Variants in CDH18 observed in about 807,000 individuals in gnomAD.
The protein encoded by CDH18 is cadherin-18.
CDH18 carries 31 observed loss-of-function variants against 67.9 expected under a neutral mutation model. That is an observed-to-expected ratio of 0.46 (90% CI 0.34 to 0.62). The LOEUF is 0.62. Ranked by LOEUF, CDH18 falls within the 20% of genes least tolerant of loss-of-function variation. CDH18 has a pLI of 0.01. For synonymous variants in CDH18, 362 were observed against 347.2 expected (o/e 1.04, Z -0.48); for missense variants, 890 against 975.5 (o/e 0.91, Z 1.17).
At chr5:20,498,744 G>C (rs1754061163) in intron 1 of CDH18, among the ~76,000 whole-genome samples, 1 of 151,840 alleles carries the variant, frequency 6.6e-6, no homozygotes. Flanking sequence ...ATATCAAACA[G>C]ATAATTAAAG....
At chr5:19,773,724 G>A (rs1258289666) in intron 3 of CDH18, among the ~76,000 whole-genome samples, 1 of 152,116 alleles carries the variant, frequency 6.6e-6, no homozygotes, top group Admixed American at 6.6e-5. Context: ...TAAACATAAT[G>A]ATAGTTGGGG....
At chr5:20,553,260 A>G (rs1490176859) in intron 1 of CDH18, among the ~76,000 whole-genome samples, 1 of 152,152 alleles carries the variant, frequency 6.6e-6, no homozygotes, top group Non-Finnish European at 1.5e-5. Flanking sequence ...ATCTTTATTT[A>G]CAAGGGTCAT....
intron 1 of CDH18, among the ~76,000 whole-genome samples, chr5:20,419,681 G>A (rs1257107779): frequency 6.7e-6 from 1 of 150,266 alleles, no homozygotes. Context: ...GTTTCACCCT[G>A]TTAGCCAGGA....
intron 5 of CDH18, among the ~76,000 whole-genome samples, chr5:19,615,436 A>C (rs1749671385): frequency 6.6e-6 from 1 of 152,190 alleles, no homozygotes; most frequent in Non-Finnish European, 1.5e-5. Context: ...AGCAGAAAGT[A>C]CAAAGAATTC....
intron 2 of CDH18, among the ~76,000 whole-genome samples, chr5:20,184,062 C>A (rs927190297): frequency 1.3e-5 from 2 of 152,028 alleles, no homozygotes; most frequent in African/African-American, 4.8e-5. Flanking sequence ...TGAGACAGAA[C>A]TCCAGGGCAC....
chr5:19,757,673 G>T (rs1814165), intron 3 of CDH18, among the ~76,000 whole-genome samples: 145,241 of 152,272 alleles, frequency 0.95, 69,535 homozygotes, highest in East Asian at 1. Flanking sequence ...TGACCACTCA[G>T]AGAGGTCCAC....
chr5:19,857,700 G>T (rs922465187), intron 2 of CDH18, among the ~76,000 whole-genome samples: 1 of 152,002 alleles, frequency 6.6e-6, no homozygotes, highest in African/African-American at 2.4e-5. Context: ...CTTAACTAAG[G>T]TATCAACAAC....
chr5:19,862,598 T>G (rs1429652584), intron 2 of CDH18, among the ~76,000 whole-genome samples: 1 of 152,194 alleles, frequency 6.6e-6, no homozygotes, highest in Non-Finnish European at 1.5e-5. Flanking sequence ...AACTTCTTCT[T>G]GGGTAAACAT....
At chr5:20,217,442 GT>G (rs1740871944) in intron 2 of CDH18, among the ~76,000 whole-genome samples, 1 of 151,780 alleles carries the variant, frequency 6.6e-6, no homozygotes, top group African/African-American at 2.4e-5. Context: ...TCAGTGTTAA[GT>G]TGTCATCAGT....
chr5:19,814,191 T>G (rs1779047896), intron 3 of CDH18, among the ~76,000 whole-genome samples: 1 of 152,020 alleles, frequency 6.6e-6, no homozygotes, highest in African/African-American at 2.4e-5. Context: ...AAAATTATTT[T>G]ATTATTAAAG....
At chr5:19,632,858 G>A (rs1752604705) in intron 5 of CDH18, among the ~76,000 whole-genome samples, 1 of 152,080 alleles carries the variant, frequency 6.6e-6, no homozygotes, top group Non-Finnish European at 1.5e-5. Context: ...GTGTTCTACA[G>A]GTGCTTCCTC....
chr5:19,617,882 A>G (rs946883566), intron 5 of CDH18, among the ~76,000 whole-genome samples: 1 of 152,182 alleles, frequency 6.6e-6, no homozygotes, highest in African/African-American at 2.4e-5. Flanking sequence ...TATAAACATT[A>G]CTTGTTGAGC....
chr5:20,340,808 C>T (rs984579569), intron 1 of CDH18, among the ~76,000 whole-genome samples: 1 of 152,154 alleles, frequency 6.6e-6, no homozygotes, highest in African/African-American at 2.4e-5. Context: ...TGATGAACAA[C>T]TCAGGAAAGA....
At chr5:19,825,753 G>T (rs951619080) in intron 3 of CDH18, among the ~76,000 whole-genome samples, 6 of 152,010 alleles carry the variant, frequency 3.9e-5, no homozygotes, top group South Asian at 2.1e-4. Flanking sequence ...CAACTTCAAA[G>T]ATTGAAAGAA....
intron 1 of CDH18, among the ~76,000 whole-genome samples, chr5:20,290,345 T>C (rs1405569740): frequency 6.6e-6 from 1 of 152,132 alleles, no homozygotes; most frequent in Non-Finnish European, 1.5e-5. Context: ...AGAATGAGTA[T>C]GTTGCTAATG....
chr5:19,669,000 C>A (rs1260599985), intron 5 of CDH18, among the ~76,000 whole-genome samples: 1 of 150,810 alleles, frequency 6.6e-6, no homozygotes, highest in East Asian at 1.9e-4. Flanking sequence ...TTCCATGATA[C>A]TTCAACTTCA....
At chr5:20,118,991 T>G (rs530101850) in intron 2 of CDH18, among the ~76,000 whole-genome samples, 65 of 152,250 alleles carry the variant, frequency 4.3e-4, no homozygotes, top group Non-Finnish European at 7.2e-4. Context: ...AAATAGTCCC[T>G]AAGACTATTT....
intron 2 of CDH18, among the ~76,000 whole-genome samples, chr5:20,207,754 T>A (rs890606534): frequency 1.1e-4 from 16 of 152,158 alleles, no homozygotes; most frequent in African/African-American, 3.4e-4. Flanking sequence ...CCAAACCATA[T>A]CAATACCTAA....
chr5:20,326,471 A>G (rs1325553624), intron 1 of CDH18, among the ~76,000 whole-genome samples: 1 of 152,144 alleles, frequency 6.6e-6, no homozygotes, highest in Non-Finnish European at 1.5e-5. Flanking sequence ...ATTAGAGGAA[A>G]AAAGTCTGAC....
Sources: gnomAD v4.1 joint callset for allele counts (sites outside exome capture counted in the v4.1 genomes callset) on GRCh38, gnomAD v4.1.1 for gene constraint, MANE v1.5 for transcripts, NCBI Gene and HGNC (gene_info 2026-07-23, HGNC 2026-07-21) for gene names.